Variants in GLB1L2 observed in about 807,000 individuals in gnomAD.
GLB1L2 encodes galactosidase beta 1 like 2, also known as beta-galactosidase-1-like protein 2.
Under a neutral mutation model 84.1 loss-of-function variants are expected in GLB1L2, and 68 were observed. The ratio of observed to expected loss-of-function variants is 0.81; its 90% CI spans 0.67 to 0.99. The LOEUF is 0.99. Ranked by LOEUF, GLB1L2 falls within the 50% of genes least tolerant of loss-of-function variation. The probability of loss-of-function intolerance (pLI) is 0.00; values close to 1 mark genes in which losing one functional copy is unlikely to be tolerated. For missense variants in GLB1L2, 762 were observed against 805.6 expected, an observed-to-expected ratio of 0.95 and a Z score of 0.66; for synonymous variants, 290 against 318.0, an observed-to-expected ratio of 0.91 and a Z score of 0.94.
intron 5 of GLB1L2, chr11:134,356,040 G>A (rs1045063070): frequency 1.6e-6 from 1 of 614,116 alleles, no homozygotes; most frequent in African/African-American, 1.8e-5. Flanking sequence ...TTTTGATTTG[G>A]TGGTCACTTG....
intron 5 of GLB1L2, chr11:134,356,015 G>C: frequency 1.8e-6 from 1 of 565,882 alleles, no homozygotes; most frequent in Admixed American, 2.2e-5. Flanking sequence ...GTACCATTTT[G>C]CATATGACTT....
At chr11:134,355,352 G>T (rs1943687151) in intron 5 of GLB1L2, among the ~76,000 whole-genome samples, 1 of 152,044 alleles carries the variant, frequency 6.6e-6, no homozygotes, top group African/African-American at 2.4e-5. Flanking sequence ...GATTTATTTT[G>T]TTCCTTTGAT....
chr11:134,334,696 T>C lies in GLB1L2; in HGVS notation c.86+2549T>C, dbSNP rs2136253174. On this transcript the variant is annotated intron_variant, in intron 1 of 18. Coordinates refer to ENST00000535456, the MANE Select transcript of GLB1L2 (RefSeq NM_001370461.1). This position sits in a 1 kb window ranked among gnomAD's most constrained non-coding sequence, Gnocchi z 4.1. The stretch of plus-strand genomic sequence containing the variant: ...CAGCCCCAAGCAACCACTGATCTGT[T>C]GCTTTCCGACACGATATATTGGTTT... Among the ~76,000 whole-genome samples, 1 of 152,314 alleles carries C rather than the reference T, an allele frequency of 6.6e-6. No homozygotes were observed.
At chr11:134,332,408 C>G (rs1373785120) in intron 1 of GLB1L2, among the ~76,000 whole-genome samples, 4 of 152,094 alleles carry the variant, frequency 2.6e-5, no homozygotes, top group Non-Finnish European at 1.5e-5. Flanking sequence ...CCCACCCCGC[C>G]GCGCCTGTGA....
chr11:134,353,818 A>G (rs992554323), intron 5 of GLB1L2, among the ~76,000 whole-genome samples: 5 of 152,300 alleles, frequency 3.3e-5, no homozygotes, highest in African/African-American at 9.6e-5. Flanking sequence ...AGTTTTTGAT[A>G]TAAAGTCTAT....
At position 134,374,633 on chromosome 11, in the gene GLB1L2, G is replaced by C; in HGVS notation, c.1739G>C (p.Gly580Ala). 1 of 1,613,994 alleles carries C rather than the reference G, an allele frequency of 6.2e-7. No homozygotes were observed. Among genetic ancestry groups the C allele is most frequent in the Non-Finnish European group, 8.5e-7 (1 of 1,179,948 alleles). Residue 580 changes from glycine to alanine, a missense_variant, in exon 18 of 19, where the codon GGC becomes GCC. Gly to Ala is a moderately conservative substitution (Grantham distance 60, BLOSUM62 0). Transcript: ENST00000535456. ...GAGAAGGGGGTTGTATTCATCAATG[G>C]CCAGAACCTTGGACGTTACTGGAAC... is the stretch of plus-strand genomic sequence containing the variant. ...GWEKGVVFIN[G>A]QNLGRYWNIG... is the part of the protein sequence containing the mutation.
intron 15 of GLB1L2, 45 bp downstream of exon 15, chr11:134,371,875 C>T: frequency 6.4e-7 from 1 of 1,570,030 alleles, no homozygotes. Flanking sequence ...ATGCTGGACA[C>T]ACAGGTGGCT....
chr11:134,347,469 G>C (rs750328625), intron 5 of GLB1L2, 36 bp downstream of exon 5: 2 of 1,429,654 alleles, frequency 1.4e-6, no homozygotes, highest in East Asian at 4.6e-5. Context: ...ATCTTGGTCT[G>C]TCTTCCTCTA....
chr11:134,356,710 A>G (rs541577950), intron 6 of GLB1L2, among the ~76,000 whole-genome samples: 1 of 152,350 alleles, frequency 6.6e-6, no homozygotes, highest in South Asian at 2.1e-4. Flanking sequence ...AGTGGTTCCC[A>G]GCCCAGGCTG....
In GLB1L2 at chr11:134,334,956, T is replaced by C. The variant is rs1253434114; in HGVS notation, c.86+2809T>C. On this transcript the variant is annotated intron_variant, in intron 1 of 18. Transcript: ENST00000535456. This position sits in a 1 kb window ranked among gnomAD's most constrained non-coding sequence, Gnocchi z 4.1. The stretch of plus-strand genomic sequence containing the variant: ...TTCATGATTTTTTCCTTAATATAAA[T>C]GAATCACCGAGCAAGAATACAGGCA... 2.0e-5 allele frequency among the ~76,000 whole-genome samples: 3 copies of C among 152,270 alleles called. No individual in the cohort carries two copies. Among genetic ancestry groups the C allele is most frequent in the African/African-American group, 2.4e-5 (1 of 41,540 alleles).
At chr11:134,372,128 T>TG (rs959934767) in intron 15 of GLB1L2, among the ~76,000 whole-genome samples, 9 of 152,004 alleles carry the variant, frequency 5.9e-5, no homozygotes, top group East Asian at 1.9e-4. Flanking sequence ...GATGTCTGCT[T>TG]GGGGGGGCGG....
chr11:134,333,491 G>A (rs186311637), intron 1 of GLB1L2, among the ~76,000 whole-genome samples: 3 of 152,330 alleles, frequency 2.0e-5, no homozygotes, highest in Non-Finnish European at 2.9e-5. Flanking sequence ...AAAGGCTAGC[G>A]GCTGCAGGCC....
Position 134,371,086 on chromosome 11 carries a change from C to T in GLB1L2, c.1294C>T (p.Leu432Phe), listed in dbSNP as rs780144103. The change falls in exon 13 of 19, where the codon CTC (leucine) becomes TTC (phenylalanine). Residue 432 changes from leucine to phenylalanine, a missense_variant. Physicochemically the swap from Leu to Phe is conservative, Grantham distance 22. Transcript: ENST00000535456. ...GGNGQSFGYI[L>F]YETSITSSGI... ...AAATGGACAGTCCTTCGGGTACATT[C>T]TCTATGAGACCAGCATCACCTCGTC... 1.9e-6 allele frequency: 3 copies of T among 1,614,210 alleles called. No individual in the cohort carries two copies. Among genetic ancestry groups the T allele is most frequent in the Non-Finnish European group, 2.5e-6 (3 of 1,180,020 alleles).
At chr11:134,371,877 C>T (rs767991317) in intron 15 of GLB1L2, 47 bp downstream of exon 15, 3 of 1,566,112 alleles carry the variant, frequency 1.9e-6, no homozygotes, top group Non-Finnish European at 1.8e-6. Flanking sequence ...GCTGGACACA[C>T]AGGTGGCTAT....
At chr11:134,340,131 C>T (rs1471373603) in intron 1 of GLB1L2, among the ~76,000 whole-genome samples, 1 of 152,198 alleles carries the variant, frequency 6.6e-6, no homozygotes, top group Admixed American at 6.5e-5. Context: ...GAGGCTCTCG[C>T]ACCCATAAGT....
At chr11:134,358,387 G>A (rs59891316) in intron 6 of GLB1L2, among the ~76,000 whole-genome samples, 5,771 of 152,380 alleles carry the variant, frequency 0.038, 182 homozygotes, top group African/African-American at 0.086. Context: ...GTCTGTGTAT[G>A]AGCGGAGGGC....
intron 13 of GLB1L2, 51 bp downstream of exon 13, chr11:134,371,199 A>G (rs532635298): frequency 6.2e-7 from 1 of 1,603,430 alleles, no homozygotes; most frequent in East Asian, 2.2e-5. Context: ...GCAGCTCTGC[A>G]ATAGGCGTCT....
intron 9 of GLB1L2, 52 bp downstream of exon 9, chr11:134,367,393 G>A: frequency 1.3e-6 from 2 of 1,487,214 alleles, no homozygotes; most frequent in Non-Finnish European, 9.3e-7. Context: ...AAGAAGTGAG[G>A]ATGAGTTTCA....
At chr11:134,349,557 C>G (rs1181251145) in intron 5 of GLB1L2, among the ~76,000 whole-genome samples, 2 of 152,220 alleles carry the variant, frequency 1.3e-5, no homozygotes, top group Non-Finnish European at 1.5e-5. Flanking sequence ...ACATTCCCAC[C>G]AGCAATACAC....
Sources: allele counts gnomAD v4.1 joint callset (sites outside exome capture counted in the v4.1 genomes callset), GRCh38; gene constraint gnomAD v4.1.1; non-coding constraint Gnocchi (gnomAD v3.1); transcripts MANE v1.5; gene names NCBI Gene and HGNC (gene_info 2026-07-23, HGNC 2026-07-21).